ICA1: variants seen among roughly 807,000 people sequenced by gnomAD.
ICA1 encodes the protein 69 kDa islet cell autoantigen.
In ICA1, 40 loss-of-function variants were observed where a neutral mutation model predicts 71.0. That is an observed-to-expected ratio of 0.56 (90% confidence interval 0.44 to 0.73). The LOEUF (loss-of-function observed/expected upper bound fraction) is 0.73. ICA1 is among the 30% of genes least tolerant of loss of function. The probability of loss-of-function intolerance (pLI) is 0.00; values close to 1 mark genes in which losing one functional copy is unlikely to be tolerated. For missense variants in ICA1, 578 were observed against 576.5 expected (o/e 1.00, Z -0.03); for synonymous variants, 207 against 209.5 (o/e 0.99, Z 0.10).
intron 6 of ICA1, among the ~76,000 whole-genome samples, chr7:8,196,827 G>T (rs767079671): frequency 6.6e-5 from 10 of 151,986 alleles, no homozygotes; most frequent in Non-Finnish European, 1.5e-4. Flanking sequence ...AATGAATCAC[G>T]GCAGTTCCCC....
At chr7:8,219,589 T>C (rs28439392) in intron 5 of ICA1, among the ~76,000 whole-genome samples, 1,837 of 152,376 alleles carry the variant, frequency 0.012, 35 homozygotes, top group African/African-American at 0.042. Flanking sequence ...TGTATAAGAA[T>C]AACCTGCTCA....
chr7:8,260,872 A>G (rs1241238286), intron 1 of ICA1, among the ~76,000 whole-genome samples: 1 of 152,196 alleles, frequency 6.6e-6, no homozygotes, highest in Non-Finnish European at 1.5e-5. Flanking sequence ...CTCCCTAACC[A>G]CAGAACAGTT....
At chr7:8,175,658 C>G (rs909623131) in intron 6 of ICA1, among the ~76,000 whole-genome samples, 2 of 152,114 alleles carry the variant, frequency 1.3e-5, no homozygotes, top group Admixed American at 6.5e-5. Context: ...AAACTTTTTC[C>G]CTACTTGCTC....
chr7:8,165,716 T>C (rs1315501455), intron 6 of ICA1, among the ~76,000 whole-genome samples: 1 of 152,128 alleles, frequency 6.6e-6, no homozygotes, highest in African/African-American at 2.4e-5. Flanking sequence ...TCAGCATTTA[T>C]ATACACCAAC....
At chr7:8,146,438 A>G (rs530633511) in intron 8 of ICA1, among the ~76,000 whole-genome samples, 2 of 152,300 alleles carry the variant, frequency 1.3e-5, no homozygotes, top group South Asian at 4.2e-4. Flanking sequence ...GACTGGGATA[A>G]AGAGGTCAGC....
chr7:8,134,178 C>A (rs1428271643), intron 12 of ICA1, among the ~76,000 whole-genome samples: 2 of 152,154 alleles, frequency 1.3e-5, no homozygotes, highest in African/African-American at 4.8e-5. Flanking sequence ...GATGACAGAT[C>A]CATTCAGCAT....
intron 1 of ICA1, among the ~76,000 whole-genome samples, chr7:8,248,378 G>A (rs1276145461): frequency 1.3e-5 from 2 of 151,960 alleles, no homozygotes; most frequent in Admixed American, 1.3e-4. Flanking sequence ...CATTACCTTA[G>A]AGCTCTTCAG....
chr7:8,154,259 T>C (rs1470705951), intron 8 of ICA1, among the ~76,000 whole-genome samples: 3 of 152,234 alleles, frequency 2.0e-5, no homozygotes, highest in African/African-American at 7.2e-5. Flanking sequence ...AAAAGAATTA[T>C]AACTCTATTT....
chr7:8,154,582 G>A (rs1800849078), intron 8 of ICA1, among the ~76,000 whole-genome samples: 1 of 152,078 alleles, frequency 6.6e-6, no homozygotes, highest in South Asian at 2.1e-4. Context: ...CATTTCAGGG[G>A]CTATTTGCTT....
intron 1 of ICA1, among the ~76,000 whole-genome samples, chr7:8,253,869 T>G (rs1339673272): frequency 6.6e-6 from 1 of 152,132 alleles, no homozygotes; most frequent in African/African-American, 2.4e-5. Context: ...ATAATAACAG[T>G]GTGAAGGAAG....
At chr7:8,115,341 T>C (rs1784453267) in intron 13 of ICA1, among the ~76,000 whole-genome samples, 1 of 152,096 alleles carries the variant, frequency 6.6e-6, no homozygotes, top group Non-Finnish European at 1.5e-5. Context: ...CACTGTAGCT[T>C]AGTTGGAGGG....
chr7:8,153,672 C>T (rs1349051716), intron 8 of ICA1, among the ~76,000 whole-genome samples: 2 of 152,062 alleles, frequency 1.3e-5, no homozygotes, highest in Non-Finnish European at 2.9e-5. Context: ...GCCATAAACT[C>T]TTAGTCTAAG....
At chr7:8,233,495 G>C (rs915525267) in intron 2 of ICA1, among the ~76,000 whole-genome samples, 2 of 151,570 alleles carry the variant, frequency 1.3e-5, no homozygotes, top group African/African-American at 4.9e-5. Context: ...CCAGGTTCAA[G>C]CGATTCTCCT....
chr7:8,150,837 C>T (rs969057234), intron 8 of ICA1, among the ~76,000 whole-genome samples: 1 of 152,208 alleles, frequency 6.6e-6, no homozygotes, highest in Non-Finnish European at 1.5e-5. Flanking sequence ...TCTCCTCCTC[C>T]CTTCCTGCCC....
intron 6 of ICA1, among the ~76,000 whole-genome samples, chr7:8,194,911 T>C (rs1057406546): frequency 6.6e-6 from 1 of 152,190 alleles, no homozygotes; most frequent in African/African-American, 2.4e-5. Flanking sequence ...TTTTTTTATG[T>C]TGAGTTGAAA....
At chr7:8,180,887 T>A (rs1244362111) in intron 6 of ICA1, among the ~76,000 whole-genome samples, 1 of 151,778 alleles carries the variant, frequency 6.6e-6, no homozygotes, top group East Asian at 1.9e-4. Context: ...TGGATACAAG[T>A]CCCTTGTTGG....
intron 6 of ICA1, among the ~76,000 whole-genome samples, chr7:8,207,278 G>A (rs1168196128): frequency 6.6e-6 from 1 of 152,124 alleles, no homozygotes; most frequent in African/African-American, 2.4e-5. Flanking sequence ...TTCATTTGAT[G>A]GTAACAACAG....
At chr7:8,131,560 T>C (rs968118349) in intron 12 of ICA1, among the ~76,000 whole-genome samples, 5 of 152,190 alleles carry the variant, frequency 3.3e-5, no homozygotes, top group Non-Finnish European at 5.9e-5. Context: ...GGCCACACAG[T>C]GCACATTTTC....
chr7:8,149,033 C>T (rs1797961109), intron 8 of ICA1, among the ~76,000 whole-genome samples: 1 of 152,170 alleles, frequency 6.6e-6, no homozygotes, highest in Non-Finnish European at 1.5e-5. Flanking sequence ...AAGTGCTTAA[C>T]CCTATAGAAC....
Sources: gnomAD v4.1 joint callset for allele counts (sites outside exome capture counted in the v4.1 genomes callset) on GRCh38, gnomAD v4.1.1 for gene constraint, MANE v1.5 for transcripts, NCBI Gene and HGNC (gene_info 2026-07-23, HGNC 2026-07-21) for gene names.